Variants in CCS observed in about 807,000 individuals in gnomAD.
CCS encodes the protein copper chaperone for superoxide dismutase, also known as superoxide dismutase copper chaperone.
In CCS, 32 loss-of-function variants were observed where a neutral mutation model predicts 35.5. The ratio of observed to expected loss-of-function variants is 0.90; its 90% CI spans 0.68 to 1.21. CCS has a LOEUF of 1.21. Ranked by LOEUF, CCS falls within the 50% of genes most tolerant of loss-of-function variation. The probability of loss-of-function intolerance (pLI) is 0.00; values close to 1 mark genes in which losing one functional copy is unlikely to be tolerated. For synonymous variants in CCS, 130 were observed against 147.2 expected, an observed-to-expected ratio of 0.88 and a Z score of 0.84; for missense variants, 342 against 375.4, an observed-to-expected ratio of 0.91 and a Z score of 0.73.
intron 2 of CCS, among the ~76,000 whole-genome samples, chr11:66,595,144 G>A (rs1351634568): frequency 6.6e-6 from 1 of 152,178 alleles, no homozygotes; most frequent in Non-Finnish European, 1.5e-5. Context: ...GATAATAGAA[G>A]CTAATCTGGA....
intron 2 of CCS, among the ~76,000 whole-genome samples, chr11:66,595,618 C>T (rs1050141485): frequency 6.6e-6 from 1 of 151,968 alleles, no homozygotes. Flanking sequence ...GGAGGATCCC[C>T]CAGCCCAAGG....
At chr11:66,599,373 A>G in intron 3 of CCS, 86 bp from the exon 4 acceptor site, 1 of 1,492,590 alleles carries the variant, frequency 6.7e-7, no homozygotes, top group Non-Finnish European at 8.9e-7. Flanking sequence ...TGTGAAAATT[A>G]TGTGAGACTC....
chr11:66,596,876 A>G (rs1375195023), intron 2 of CCS, among the ~76,000 whole-genome samples: 2 of 152,328 alleles, frequency 1.3e-5, no homozygotes, highest in Non-Finnish European at 2.9e-5. Context: ...TAGGGTGAGT[A>G]CAATATCTGG....
chr11:66,599,610 C>T lies in CCS; in HGVS notation c.402C>T (p.Tyr134=), dbSNP rs773541450. 43 of 1,610,804 alleles carry T rather than the reference C, an allele frequency of 2.7e-5. No individual in the cohort carries two copies. In the Admixed American group the frequency reaches 2.7e-4, roughly 10 times the overall value. Reference sequence around the variant, plus strand: ...TGCATGGACTCCACGTCCATCAGTACGGGGACCTTACAAACAACTGCAACA... The same window carrying T: ...TGCATGGACTCCACGTCCATCAGTATGGGGACCTTACAAACAACTGCAACA... The part of the protein sequence containing the change: ...PGLHGLHVHQ[Y]GDLTNNCNSC... Residue 134 remains tyrosine (Y), a synonymous_variant, in exon 4 of 8, where the codon TAC becomes TAT. Transcript: ENST00000533244.
chr11:66,597,524 G>A lies in CCS; in HGVS notation c.113-1592G>A, dbSNP rs192537760. 7.3e-4 allele frequency among the ~76,000 whole-genome samples: 106 copies of A among 145,608 alleles called. 3 individuals are homozygous for A. In the East Asian group the frequency reaches 0.012, roughly 16 times the overall value. ...TCCCAGCACTTTGGGAGGCCAAGGCGGGCAGATCACGAGGTCAGGAGATTG... is the reference window on the plus strand; with the variant it reads ...TCCCAGCACTTTGGGAGGCCAAGGCAGGCAGATCACGAGGTCAGGAGATTG... On this transcript the variant is annotated intron_variant, in intron 2 of 7. Transcript: ENST00000533244.
intron 4 of CCS, 124 bp downstream of exon 4, chr11:66,599,760 C>A: frequency 1.1e-6 from 1 of 939,302 alleles, no homozygotes; most frequent in Non-Finnish European, 1.6e-6. Context: ...CTGAGGCTCA[C>A]AGAGGTTAAA....
chr11:66,603,081 T>G (rs1285256196), intron 5 of CCS, among the ~76,000 whole-genome samples: 1 of 152,246 alleles, frequency 6.6e-6, no homozygotes, highest in East Asian at 1.9e-4. Context: ...GCCATGCCCC[T>G]GCCTGAAACT....
chr11:66,599,692 G>C, intron 4 of CCS, 56 bp downstream of exon 4: 1 of 1,518,774 alleles, frequency 6.6e-7, no homozygotes, highest in Non-Finnish European at 9.0e-7. Context: ...TTCACACTGG[G>C]CCCTCACCAA....
chr11:66,605,329 C>T lies in CCS; in HGVS notation c.490-10C>T, dbSNP rs1210856875. 5.0e-6 allele frequency: 8 copies of T among 1,614,118 alleles called. No homozygotes were observed. The highest frequency in any genetic ancestry group is 1.7e-5 in the Admixed American group (1 of 60,020). ...CACATCCCCTATACACACACTGGAT[C>T]TCATTCCAGCACCGCGGAGACCTGG... On this transcript the variant is annotated splice_polypyrimidine_tract_variant and intron_variant, in intron 5 of 7. Transcript: ENST00000533244.
At chr11:66,593,414 C>A in intron 1 of CCS, 114 bp downstream of exon 1, 2 of 1,196,776 alleles carry the variant, frequency 1.7e-6, no homozygotes, top group Non-Finnish European at 2.3e-6. Context: ...GGCCTGGGGC[C>A]ATGGGATGAA....
chr11:66,605,288 T>G (rs1858635483), intron 5 of CCS, 51 bp from the exon 6 acceptor site: 1 of 1,610,536 alleles, frequency 6.2e-7, no homozygotes, highest in Admixed American at 1.7e-5. Flanking sequence ...AGATAGCAGC[T>G]TGGCACCACG....
intron 3 of CCS, 82 bp downstream of exon 3, chr11:66,599,335 C>T (rs752980966): frequency 6.6e-7 from 1 of 1,508,578 alleles, no homozygotes; most frequent in Non-Finnish European, 8.9e-7. Flanking sequence ...GATTCTCAGG[C>T]TCTGGGTTGG....
chr11:66,600,537 G>A lies in CCS; in HGVS notation c.477G>A (p.Gln159=). The A allele has an allele frequency of 2.0e-6, 3 of 1,526,778 alleles. No individual in the cohort carries two copies. Among genetic ancestry groups the A allele is most frequent in the African/African-American group, 1.4e-5 (1 of 71,436 alleles). 94.6% of individuals were successfully genotyped at this position (1,526,778 alleles called of 1,614,324 possible). A position where few individuals can be genotyped will look rare whatever the true frequency, so the allele number is the denominator to read the frequency against. Residue 159 remains glutamine, a synonymous_variant, in exon 5 of 8, where the codon CAG becomes CAA. Transcript: ENST00000533244. ...ATGGAGCATCTCATGGGGGCCCCCAGGACTCTGACCGGGTAAGTGTCTGTC... is the reference window on the plus strand; with the variant it reads ...ATGGAGCATCTCATGGGGGCCCCCAAGACTCTGACCGGGTAAGTGTCTGTC... The part of the protein sequence containing the change: ...NPDGASHGGP[Q]DSDRHRGDLG...
intron 5 of CCS, among the ~76,000 whole-genome samples, chr11:66,603,111 T>C (rs1858596130): frequency 6.6e-6 from 1 of 152,176 alleles, no homozygotes. Context: ...TCCCAGTGCC[T>C]GAGAGTACAA....
At chr11:66,597,279 A>G (rs1441222274) in intron 2 of CCS, among the ~76,000 whole-genome samples, 2 of 151,960 alleles carry the variant, frequency 1.3e-5, no homozygotes, top group Non-Finnish European at 2.9e-5. Context: ...TAACACGGTG[A>G]AACCCTGTCT....
intron 1 of CCS, 93 bp downstream of exon 1, chr11:66,593,393 A>G (rs1858416742): frequency 2.2e-6 from 3 of 1,336,234 alleles, no homozygotes; most frequent in Admixed American, 5.4e-5. Context: ...AGGAGTGGGC[A>G]CTTGGGTTGG....
chr11:66,605,673 C>T (rs746729172), intron 7 of CCS, 29 bp from the exon 8 acceptor site: 1 of 1,575,718 alleles, frequency 6.3e-7, no homozygotes, highest in East Asian at 2.2e-5. Context: ...CAAACAGGTA[C>T]CCACCCCTGA....
At chr11:66,603,372 C>T (rs538142760) in intron 5 of CCS, among the ~76,000 whole-genome samples, 3 of 151,288 alleles carry the variant, frequency 2.0e-5, no homozygotes, top group Admixed American at 6.6e-5. Context: ...TTCAGGAGTT[C>T]GAGACCAGGC....
rs757803882 is a variant in CCS, at chr11:66,600,484, C to A, written c.429-5C>A. The A allele has an allele frequency of 2.0e-6, 3 of 1,536,202 alleles. No individual in the cohort carries two copies. In the Admixed American group the frequency reaches 6.0e-5, roughly 31 times the overall value. The stretch of plus-strand genomic sequence containing the variant: ...TCCTGCCCACCTGTTTCCTTTCTTT[C>A]TTAGCTGTGGGAATCACTTTAACCC... On this transcript the variant is annotated splice_region_variant and splice_polypyrimidine_tract_variant and intron_variant, in intron 4 of 7. Transcript: ENST00000533244.
Sources: allele counts gnomAD v4.1 joint callset (sites outside exome capture counted in the v4.1 genomes callset), GRCh38; gene constraint gnomAD v4.1.1; transcripts MANE v1.5; gene names NCBI Gene and HGNC (gene_info 2026-07-23, HGNC 2026-07-21).